OLFML2B: variants seen among roughly 807,000 people sequenced by gnomAD.
OLFML2B encodes olfactomedin-like protein 2B.
OLFML2B carries 57 observed loss-of-function variants against 74.9 expected under a neutral mutation model. The observed-to-expected ratio is 0.76, with a 90% confidence interval of 0.61 to 0.95. The LOEUF (loss-of-function observed/expected upper bound fraction) is 0.95. Among genes scored for constraint, OLFML2B ranks in the 40% least tolerant of loss-of-function variants. The pLI, the probability that OLFML2B is intolerant of heterozygous loss-of-function variation, is 0.00. For missense variants in OLFML2B, 986 were observed against 970.6 expected (o/e 1.02, Z -0.21); for synonymous variants, 388 against 405.8 (o/e 0.96, Z 0.53).
intron 2 of OLFML2B, among the ~76,000 whole-genome samples, chr1:162,017,937 G>T (rs1344954068): frequency 2.0e-5 from 3 of 152,158 alleles, no homozygotes; most frequent in Non-Finnish European, 4.4e-5. Context: ...ATATACCATG[G>T]AATACTATGC....
chr1:162,023,324 G>C lies in OLFML2B; in HGVS notation c.107C>G (p.Thr36Arg). 1 of 1,607,242 alleles carries C rather than the reference G, an allele frequency of 6.2e-7. No homozygotes were observed. The highest frequency in any genetic ancestry group is 8.5e-7 in the Non-Finnish European group (1 of 1,175,814). ...AGTCTCGTCCTCCGCAGGCGCCACT[G>C]TCTGCGCATCTGGGGGCTCGCTTGT... ...TGTSEPPDAQ[T>R]VAPAEDETLQ... The change falls in exon 1 of 8, where the codon ACA becomes AGA. Residue 36 changes from threonine to arginine, a missense_variant. Transcript: ENST00000294794.
At chr1:161,990,031 AAAG>A (rs905171434) in intron 6 of OLFML2B, among the ~76,000 whole-genome samples, 2 of 152,248 alleles carry the variant, frequency 1.3e-5, no homozygotes, top group Non-Finnish European at 2.9e-5. Flanking sequence ...AATTGATACG[AAAG>A]AAGAGGGAAG....
intron 5 of OLFML2B, among the ~76,000 whole-genome samples, chr1:161,998,678 T>C (rs909688964): frequency 1.3e-5 from 2 of 152,088 alleles, no homozygotes; most frequent in African/African-American, 2.4e-5. Flanking sequence ...AGCACATGTT[T>C]ATGGAGTATG....
chr1:162,003,683 C>A (rs985579379), intron 4 of OLFML2B, among the ~76,000 whole-genome samples: 2 of 152,172 alleles, frequency 1.3e-5, no homozygotes, highest in African/African-American at 4.8e-5. Flanking sequence ...CCCAACCCAG[C>A]CCCCAGAGCC....
rs769211874 is a variant in OLFML2B, at chr1:161,984,163, C to A, written c.1765G>T (p.Asp589Tyr). ...RAFTRNIIKY[D>Y]LKQRYVAAWA... is the part of the protein sequence containing the mutation. ...GCAGCCACGTAGCGCTGCTTCAGGT[C>A]GTACTTGATGATGTTGCGGGTGAAG... The change falls in exon 8 of 8, where the codon GAC becomes TAC. Residue 589 changes from aspartate to tyrosine, a missense_variant. Transcript: ENST00000294794. The A allele has an allele frequency of 1.2e-6, 2 of 1,608,282 alleles. 1 individual carries two copies. Among genetic ancestry groups the A allele is most frequent in the South Asian group, 2.2e-5 (2 of 90,244 alleles).
At chr1:162,012,611 G>A (rs915959303) in intron 3 of OLFML2B, among the ~76,000 whole-genome samples, 5 of 152,196 alleles carry the variant, frequency 3.3e-5, no homozygotes, top group Admixed American at 3.3e-4. Context: ...GCAAATTCCA[G>A]CAGGTAGATT....
At chr1:161,998,412 C>A in intron 5 of OLFML2B, 63 bp from the exon 6 acceptor site, 1 of 1,505,682 alleles carries the variant, frequency 6.6e-7, no homozygotes, top group South Asian at 1.3e-5. Flanking sequence ...ATGACAAGAG[C>A]ACATGGCAAT....
chr1:162,016,329 CACAA>C (rs1206189143), intron 3 of OLFML2B, among the ~76,000 whole-genome samples: 2 of 152,204 alleles, frequency 1.3e-5, no homozygotes, highest in African/African-American at 2.4e-5. Context: ...TGCTTGGCAG[CACAA>C]ACAAAGAGTA....
chr1:162,006,240 G>C, intron 4 of OLFML2B, 57 bp downstream of exon 4: 1 of 1,469,078 alleles, frequency 6.8e-7, no homozygotes, highest in African/African-American at 1.4e-5. Context: ...GAGGAGAGAT[G>C]CTGATATCAC....
In OLFML2B at chr1:161,997,779, T is replaced by TTAG. The variant is rs777144444; in HGVS notation, c.1474+45_1474+46insCTA. On this transcript the variant is annotated intron_variant, in intron 6 of 7. Transcript: ENST00000294794. ...TCAAGATATTTCCAGGCTCAGCCTT[T>TTAG]TACCTGAGCTGATCAGGAGACCAAG... is the stretch of plus-strand genomic sequence containing the variant. 2.6e-6 allele frequency: 4 copies of TTAG among 1,547,844 alleles called. No individual in the cohort carries two copies. In the African/African-American group the frequency reaches 5.5e-5, roughly 21 times the overall value.
At chr1:161,987,291 G>T (rs562390022) in intron 6 of OLFML2B, among the ~76,000 whole-genome samples, 1 of 152,312 alleles carries the variant, frequency 6.6e-6, no homozygotes, top group East Asian at 1.9e-4. Flanking sequence ...AATCCCTGGA[G>T]CCTGTGATTG....
At chr1:162,014,506 G>A (rs1371171970) in intron 3 of OLFML2B, among the ~76,000 whole-genome samples, 1 of 151,972 alleles carries the variant, frequency 6.6e-6, no homozygotes, top group Non-Finnish European at 1.5e-5. Flanking sequence ...CCCCTTTTTT[G>A]TCTTGTCTGA....
At chr1:162,008,640 A>G (rs1690296463) in intron 3 of OLFML2B, among the ~76,000 whole-genome samples, 1 of 152,264 alleles carries the variant, frequency 6.6e-6, no homozygotes, top group African/African-American at 2.4e-5. Context: ...AGTGTGGTGC[A>G]GAGTTCAGCA....
intron 1 of OLFML2B, among the ~76,000 whole-genome samples, chr1:162,020,617 C>T (rs1356787499): frequency 6.6e-6 from 1 of 151,994 alleles, no homozygotes; most frequent in Admixed American, 6.5e-5. Context: ...ACCTCCACCT[C>T]CCAGGTTCAA....
chr1:161,993,508 T>A (rs1256619890), intron 6 of OLFML2B, among the ~76,000 whole-genome samples: 1 of 152,238 alleles, frequency 6.6e-6, no homozygotes. Context: ...ATCCTGAGTG[T>A]GTGATGGTCC....
intron 6 of OLFML2B, among the ~76,000 whole-genome samples, chr1:161,990,553 A>G (rs998355702): frequency 2.6e-5 from 4 of 152,198 alleles, no homozygotes; most frequent in African/African-American, 9.6e-5. Context: ...TTTATTACTA[A>G]AAAATACTAA....
At chr1:162,011,585 A>T (rs1558065847) in intron 3 of OLFML2B, among the ~76,000 whole-genome samples, 1 of 152,226 alleles carries the variant, frequency 6.6e-6, no homozygotes, top group Non-Finnish European at 1.5e-5. Flanking sequence ...TGGGAGAGAC[A>T]GGCAGGCCTG....
intron 6 of OLFML2B, among the ~76,000 whole-genome samples, chr1:161,993,370 C>A (rs7531820): frequency 0.14 from 21,629 of 152,002 alleles, 1,664 homozygotes; most frequent in East Asian, 0.18. Context: ...GTGGCCTGTG[C>A]CCCCCAGTGC....
chr1:162,017,752 G>A (rs2101979156), intron 2 of OLFML2B, among the ~76,000 whole-genome samples: 1 of 152,320 alleles, frequency 6.6e-6, no homozygotes, highest in South Asian at 2.1e-4. Context: ...TAAACCTGAG[G>A]TCTAGACCTC....
Sources: allele counts gnomAD v4.1 joint callset (sites outside exome capture counted in the v4.1 genomes callset), GRCh38; gene constraint gnomAD v4.1.1; transcripts MANE v1.5; gene names NCBI Gene and HGNC (gene_info 2026-07-23, HGNC 2026-07-21).